Variants in ABCA12 observed in about 807,000 individuals in gnomAD.
ABCA12 encodes the protein ATP binding cassette subfamily A member 12, also known as glucosylceramide transporter ABCA12.
In ABCA12, 156 loss-of-function variants were observed where a neutral mutation model predicts 293.5. That is an observed-to-expected ratio of 0.53 (90% CI 0.47 to 0.61). The LOEUF (loss-of-function observed/expected upper bound fraction) is 0.61, where lower values mean the gene tolerates loss of function less well. Ranked by LOEUF, ABCA12 falls within the 20% of genes least tolerant of loss-of-function variation. The probability of loss-of-function intolerance (pLI) is 0.00; values close to 1 mark genes in which losing one functional copy is unlikely to be tolerated. For synonymous variants in ABCA12, 1,063 were observed against 1,108.0 expected (o/e 0.96, Z 0.81); for missense variants, 2,797 against 3,090.2 (o/e 0.91, Z 2.25).
At position 215,087,121 on chromosome 2, in the gene ABCA12, T is replaced by C. The variant is rs139460505; in HGVS notation, c.164-22902A>G. Among the ~76,000 whole-genome samples, 5 of 152,210 alleles carry C rather than the reference T, an allele frequency of 3.3e-5. No individual in the cohort carries two copies. In the South Asian group the frequency reaches 8.3e-4, roughly 25 times the overall value. On this transcript the variant is annotated intron_variant, in intron 2 of 52. Transcript: ENST00000272895. Reference sequence around the variant, plus strand: ...CCAAGGTCAGCTAATTTTGTATTTTTAGTAGAGACTGGATTTCTCCATGTT... The same window carrying C: ...CCAAGGTCAGCTAATTTTGTATTTTCAGTAGAGACTGGATTTCTCCATGTT...
At chr2:215,040,830 C>CA (rs869178357) in intron 7 of ABCA12, among the ~76,000 whole-genome samples, 3 of 129,036 alleles carry the variant, frequency 2.3e-5, no homozygotes, top group African/African-American at 4.5e-5. Flanking sequence ...AACAAAAAAA[C>CA]AAAAAAACAA....
intron 7 of ABCA12, among the ~76,000 whole-genome samples, chr2:215,044,242 C>G (rs1701159029): frequency 1.3e-5 from 2 of 152,102 alleles, no homozygotes; most frequent in Non-Finnish European, 2.9e-5. Context: ...ACACTATTTT[C>G]CAAATGACTG....
intron 2 of ABCA12, among the ~76,000 whole-genome samples, chr2:215,104,145 A>G (rs561002542): frequency 6.6e-6 from 1 of 152,128 alleles, no homozygotes; most frequent in Non-Finnish European, 1.5e-5. Flanking sequence ...ACCAGAAGAC[A>G]TTTGGTTCCC....
At chr2:215,087,576 C>T (rs770733418) in intron 2 of ABCA12, among the ~76,000 whole-genome samples, 5 of 151,364 alleles carry the variant, frequency 3.3e-5, no homozygotes, top group African/African-American at 7.3e-5. Context: ...AGTATATGTA[C>T]AAAACAATTT....
intron 1 of ABCA12, among the ~76,000 whole-genome samples, chr2:215,123,363 G>C (rs906812423): frequency 6.6e-6 from 1 of 151,934 alleles, no homozygotes; most frequent in Non-Finnish European, 1.5e-5. Flanking sequence ...TAGATATGGG[G>C]TTTCACCATG....
intron 2 of ABCA12, among the ~76,000 whole-genome samples, chr2:215,069,327 C>T (rs2106079963): frequency 6.6e-6 from 1 of 151,990 alleles, no homozygotes; most frequent in African/African-American, 2.4e-5. Flanking sequence ...AGCACCACAA[C>T]AGGGACTTAA....
At chr2:215,067,248 C>G (rs1701656379) in intron 2 of ABCA12, among the ~76,000 whole-genome samples, 1 of 151,990 alleles carries the variant, frequency 6.6e-6, no homozygotes, top group African/African-American at 2.4e-5. Flanking sequence ...TTTAAGTTCC[C>G]CAGTGCTAGG....
At chr2:214,977,880 C>CTT (rs55902726) in intron 33 of ABCA12, among the ~76,000 whole-genome samples, 57,250 of 139,908 alleles carry the variant, frequency 0.41, 12,244 homozygotes, top group Middle Eastern at 0.52. Context: ...CTTTTTTTTC[C>CTT]TTTTTTTTTT....
intron 1 of ABCA12, among the ~76,000 whole-genome samples, chr2:215,122,329 A>G (rs775919268): frequency 4.6e-5 from 7 of 152,228 alleles, no homozygotes; most frequent in Non-Finnish European, 1.0e-4. Context: ...CAGAAGAGAT[A>G]AAAGGAACTG....
At chr2:214,956,614 G>T in intron 42 of ABCA12, 49 bp downstream of exon 42, 1 of 1,335,894 alleles carries the variant, frequency 7.5e-7, no homozygotes, top group Non-Finnish European at 1.1e-6. Flanking sequence ...TGTGTCTAGG[G>T]GCATTTAATT....
intron 1 of ABCA12, among the ~76,000 whole-genome samples, chr2:215,124,190 T>A (rs962923158): frequency 1.3e-5 from 2 of 152,232 alleles, no homozygotes; most frequent in African/African-American, 4.8e-5. Context: ...TTGGGTTGGT[T>A]CCACAATTTT....
At chr2:215,094,095 C>T (rs1179347008) in intron 2 of ABCA12, among the ~76,000 whole-genome samples, 1 of 152,182 alleles carries the variant, frequency 6.6e-6, no homozygotes, top group African/African-American at 2.4e-5. Context: ...CAGGCCCTCA[C>T]TCTTTCAGAA....
chr2:214,997,643 A>G, intron 23 of ABCA12, 52 bp downstream of exon 23: 1 of 1,307,376 alleles, frequency 7.6e-7, no homozygotes, highest in East Asian at 2.3e-5. Context: ...AAATCATAGT[A>G]ATTGTTCTAT....
At chr2:214,999,294 T>C (rs1169100880) in intron 22 of ABCA12, among the ~76,000 whole-genome samples, 3 of 152,198 alleles carry the variant, frequency 2.0e-5, no homozygotes, top group East Asian at 3.8e-4. Context: ...TTCCAAGTGA[T>C]AGTGTATTTT....
chr2:215,095,195 C>A (rs1253344965), intron 2 of ABCA12, among the ~76,000 whole-genome samples: 1 of 151,878 alleles, frequency 6.6e-6, no homozygotes, highest in Non-Finnish European at 1.5e-5. Context: ...TTGTTTTTAC[C>A]TAAATCAATC....
Position 214,950,957 on chromosome 2 carries a change from A to G in ABCA12, c.6774T>C (p.Cys2258=), listed in dbSNP as rs776090909. 2.5e-6 allele frequency: 4 copies of G among 1,614,180 alleles called. No individual in the cohort carries two copies. Among genetic ancestry groups the G allele is most frequent in the African/African-American group, 1.3e-5 (1 of 75,046 alleles). Reference sequence around the variant, plus strand: ...GGATAAGTTGGTAGGTCTTTGTGAGACAATAAAGTTGGACCAAGTCAAATT... The same window carrying G: ...GGATAAGTTGGTAGGTCTTTGTGAGGCAATAAAGTTGGACCAAGTCAAATT... The part of the protein sequence containing the change: ...AAEFDLVQLY[C]LTKTYQLIHK... The change falls in exon 45 of 53, where the codon TGT becomes TGC. Residue 2258 remains cysteine, a synonymous_variant. Transcript: ENST00000272895.
chr2:215,124,513 G>A (rs770674403), intron 1 of ABCA12, among the ~76,000 whole-genome samples: 8 of 152,138 alleles, frequency 5.3e-5, no homozygotes, highest in Non-Finnish European at 8.8e-5. Context: ...GAGTGAAGCG[G>A]TATCACATTG....
At chr2:215,008,396 A>AACAC (rs144250227) in intron 18 of ABCA12, among the ~76,000 whole-genome samples, 2,022 of 150,986 alleles carry the variant, frequency 0.013, 46 homozygotes, top group African/African-American at 0.044. Flanking sequence ...TAGCAAGAAA[A>AACAC]ACACACACAC....
Position 214,934,102 on chromosome 2 carries a change from T to G in ABCA12, c.7656A>C (p.Leu2552Phe), listed in dbSNP as rs2105907150. ...CCTCTTCCAGAGTGGTCTGACTCAC[T>G]AAGAAATTTGTAATATTTAAAGCAG... is the stretch of plus-strand genomic sequence containing the variant. ...NKTALNITNF[L>F]VSQTTLEEVF... Residue 2552 changes from leucine to phenylalanine, a missense_variant, in exon 52 of 53, where the codon TTA (leucine) becomes TTC (phenylalanine). By Grantham distance (22) the Leu-to-Phe change is conservative. Transcript: ENST00000272895. 1 of 1,613,740 alleles carries G rather than the reference T, an allele frequency of 6.2e-7. No individual in the cohort carries two copies. Among genetic ancestry groups the G allele is most frequent in the East Asian group, 2.2e-5 (1 of 44,862 alleles).
Sources: gnomAD v4.1 joint callset for allele counts (sites outside exome capture counted in the v4.1 genomes callset) on GRCh38, gnomAD v4.1.1 for gene constraint, MANE v1.5 for transcripts, NCBI Gene and HGNC (gene_info 2026-07-23, HGNC 2026-07-21) for gene names.